Variants in BAZ2B observed in about 807,000 individuals in gnomAD.
BAZ2B encodes bromodomain adjacent to zinc finger domain 2B, also known as bromodomain adjacent to zinc finger domain protein 2B.
In BAZ2B, 91 loss-of-function variants were observed where a neutral mutation model predicts 246.0. The ratio of observed to expected loss-of-function variants is 0.37; its 90% CI spans 0.31 to 0.44. The LOEUF (loss-of-function observed/expected upper bound fraction) is 0.44. BAZ2B is among the 20% of genes least tolerant of loss of function. The pLI is 1.00. For synonymous variants in BAZ2B, 855 were observed against 860.0 expected, an observed-to-expected ratio of 0.99 and a Z score of 0.10; for missense variants, 2,332 against 2,533.7, an observed-to-expected ratio of 0.92 and a Z score of 1.71.
chr2:159,581,158 G>A lies in BAZ2B; in HGVS notation c.-45-25293C>T, dbSNP rs1446143860. Among the ~76,000 whole-genome samples, 19 of 151,828 alleles carry A rather than the reference G, an allele frequency of 1.3e-4. No homozygotes were observed. The East Asian group carries it at 1.7e-3, about 14-fold the overall frequency. On this transcript the variant is annotated intron_variant, in intron 1 of 36. Transcript: ENST00000392783. ...CTACAGAATGGGAGAAAATTTTTAC[G>A]ATCTACCCATCTGACAAAGGGCTAA... is the stretch of plus-strand genomic sequence containing the variant.
intron 13 of BAZ2B, among the ~76,000 whole-genome samples, chr2:159,421,568 G>C (rs1016699083): frequency 1.3e-5 from 2 of 151,958 alleles, no homozygotes; most frequent in African/African-American, 4.8e-5. Flanking sequence ...TTCAGTAAAT[G>C]ATAAATTTAT....
the BAZ2B span, among the ~76,000 whole-genome samples, chr2:159,648,151 T>C: frequency 6.6e-6 from 1 of 152,056 alleles, no homozygotes; most frequent in Non-Finnish European, 1.5e-5. Context: ...ATTTATTTAT[T>C]TTTTGAGAAA....
At chr2:159,322,656 AG>A (rs2062857320) in intron 36 of BAZ2B, among the ~76,000 whole-genome samples, 2 of 152,182 alleles carry the variant, frequency 1.3e-5, no homozygotes, top group South Asian at 4.1e-4. Flanking sequence ...AGGTGAAAAA[AG>A]TATACAACTC....
At chr2:159,587,632 G>A (rs1688346980) in intron 1 of BAZ2B, among the ~76,000 whole-genome samples, 1 of 152,164 alleles carries the variant, frequency 6.6e-6, no homozygotes. Flanking sequence ...TGCCCTCAAA[G>A]TTTAACAATC....
intron 1 of BAZ2B, among the ~76,000 whole-genome samples, chr2:159,614,171 A>G (rs1695329653): frequency 6.6e-6 from 1 of 152,196 alleles, no homozygotes; most frequent in South Asian, 2.1e-4. Context: ...TCTTATTTAT[A>G]TACTAGTCAG....
chr2:159,650,617 A>G, the BAZ2B span, among the ~76,000 whole-genome samples: 1 of 152,122 alleles, frequency 6.6e-6, no homozygotes, highest in Non-Finnish European at 1.5e-5. Flanking sequence ...TCATATACTG[A>G]TTAGTACTCT....
At chr2:159,371,441 G>T (rs148215978) in intron 27 of BAZ2B, among the ~76,000 whole-genome samples, 169 of 152,256 alleles carry the variant, frequency 1.1e-3, no homozygotes, top group African/African-American at 4.0e-3. Flanking sequence ...ACCATGTCTG[G>T]CCCATAATTT....
intron 1 of BAZ2B, among the ~76,000 whole-genome samples, chr2:159,577,115 C>T (rs1685535152): frequency 6.6e-6 from 1 of 150,756 alleles, no homozygotes; most frequent in African/African-American, 2.5e-5. Context: ...CTAGTCCCAG[C>T]TACTCGGAAG....
At chr2:159,658,377 A>G in the BAZ2B span, among the ~76,000 whole-genome samples, 1 of 152,212 alleles carries the variant, frequency 6.6e-6, no homozygotes, top group Non-Finnish European at 1.5e-5. Context: ...TGTGTCACCC[A>G]GACTGGAGTG....
At chr2:159,356,357 GTAAA>G (rs1413475047) in intron 27 of BAZ2B, among the ~76,000 whole-genome samples, 1 of 152,192 alleles carries the variant, frequency 6.6e-6, no homozygotes, top group Non-Finnish European at 1.5e-5. Flanking sequence ...CCCTCACAGT[GTAAA>G]TAAAGCTGCC....
At chr2:159,318,549 G>A (rs76864485), downstream of BAZ2B, among the ~76,000 whole-genome samples, 5,786 of 152,224 alleles carry the variant, frequency 0.038, 195 homozygotes, top group East Asian at 0.13. Context: ...TGTCTTGTAC[G>A]CCAATGATTC....
At chr2:159,345,000 G>A (rs1388658923) in intron 31 of BAZ2B, among the ~76,000 whole-genome samples, 3 of 151,880 alleles carry the variant, frequency 2.0e-5, no homozygotes, top group African/African-American at 7.3e-5. Flanking sequence ...ATCTGAGGTC[G>A]GGAGTTTGAG....
the BAZ2B span, chr2:159,710,670 A>G: frequency 6.6e-6 from 1 of 152,236 alleles, no homozygotes; most frequent in Non-Finnish European, 1.5e-5. Context: ...AGCACCAATA[A>G]AAAACTAGAA....
At chr2:159,344,025 CT>C (rs2067260608) in intron 31 of BAZ2B, among the ~76,000 whole-genome samples, 1 of 28,106 alleles carries the variant, frequency 3.6e-5, no homozygotes, top group South Asian at 1.6e-3. Context: ...AAGACTCCAT[CT>C]CAAAAAAAAA....
the BAZ2B span, among the ~76,000 whole-genome samples, chr2:159,682,535 T>C: frequency 6.6e-6 from 1 of 152,174 alleles, no homozygotes; most frequent in Admixed American, 6.5e-5. Context: ...AGCCCACTAA[T>C]ATTGTTCAAC....
chr2:159,658,545 T>C, the BAZ2B span, among the ~76,000 whole-genome samples: 1 of 152,032 alleles, frequency 6.6e-6, no homozygotes, highest in African/African-American at 2.4e-5. Flanking sequence ...GGAGACAGAG[T>C]CTTGCTCTGT....
At chr2:159,666,278 G>A in the BAZ2B span, among the ~76,000 whole-genome samples, 1 of 60,482 alleles carries the variant, frequency 1.7e-5, no homozygotes, top group Admixed American at 1.8e-4. Flanking sequence ...TTTTTTTTTT[G>A]AGACAGGGTC....
rs191640849 is a variant in BAZ2B at position 159,582,629 on chromosome 2, C to G, written c.-45-26764G>C. Reference sequence around the variant, plus strand: ...TGAACTCCTGGACTCCAGTGATCAGCCCACCTCAGCCTCCCAAAGTGCTGG... The same window carrying G: ...TGAACTCCTGGACTCCAGTGATCAGGCCACCTCAGCCTCCCAAAGTGCTGG... On this transcript the variant is annotated intron_variant, in intron 1 of 36. Transcript: ENST00000392783. 3.6e-3 allele frequency among the ~76,000 whole-genome samples: 553 copies of G among 152,254 alleles called. 1 individual carries two copies. Among genetic ancestry groups the G allele is most frequent in the Non-Finnish European group, 5.6e-3 (383 of 68,018 alleles).
At chr2:159,394,898 C>A (rs2063805965) in intron 20 of BAZ2B, among the ~76,000 whole-genome samples, 1 of 152,124 alleles carries the variant, frequency 6.6e-6, no homozygotes, top group Non-Finnish European at 1.5e-5. Flanking sequence ...GGCTACTTTG[C>A]ACAGGTTTCA....
Sources: gnomAD v4.1 joint callset for allele counts (sites outside exome capture counted in the v4.1 genomes callset) on GRCh38, gnomAD v4.1.1 for gene constraint, MANE v1.5 for transcripts, NCBI Gene and HGNC (gene_info 2026-07-23, HGNC 2026-07-21) for gene names.